The following ATF3 variants were observed in gnomAD, a reference collection of about 807,000 sequenced individuals.
ATF3 encodes activating transcription factor 3.
A neutral mutation model predicts 18.4 loss-of-function variants in ATF3; 10 were observed. That is an observed-to-expected ratio of 0.54 (90% CI 0.34 to 0.92). ATF3 has a LOEUF of 0.92. ATF3 is among the 40% of genes least tolerant of loss of function. The pLI is 0.02. For missense variants in ATF3, 183 were observed against 222.3 expected (o/e 0.82, Z 1.12); for synonymous variants, 78 against 87.9 (o/e 0.89, Z 0.63).
At chr1:212,593,743 TAAAAA>T (rs58956572) in intron 1 of ATF3, among the ~76,000 whole-genome samples, 34,057 of 115,354 alleles carry the variant, frequency 0.3, 4,839 homozygotes, top group South Asian at 0.4. Flanking sequence ...CCTGTCTCTT[TAAAAA>T]AAAAAAAAAA....
At chr1:212,584,796 C>A (rs913620927) in intron 1 of ATF3, among the ~76,000 whole-genome samples, 1 of 152,216 alleles carries the variant, frequency 6.6e-6, no homozygotes, top group Non-Finnish European at 1.5e-5. Context: ...CCCCTTCCTG[C>A]CTAACATGGC....
chr1:212,594,880 T>C (rs901601516), intron 1 of ATF3, among the ~76,000 whole-genome samples: 1 of 152,150 alleles, frequency 6.6e-6, no homozygotes, highest in Non-Finnish European at 1.5e-5. Context: ...AATTAACCCA[T>C]TGGCTGATTG....
chr1:212,614,897 A>G, intron 1 of ATF3, 121 bp from the exon 2 acceptor site: 2 of 1,568,708 alleles, frequency 1.3e-6, no homozygotes, highest in Non-Finnish European at 1.7e-6. Context: ...CAGAAACCCA[A>G]GGGCTTATGG....
intron 1 of ATF3, among the ~76,000 whole-genome samples, chr1:212,586,819 TG>T (rs1664787487): frequency 6.6e-6 from 1 of 152,234 alleles, no homozygotes; most frequent in Non-Finnish European, 1.5e-5. Context: ...AGTGACTTTT[TG>T]ATCAGGTCAG....
At chr1:212,611,083 C>A (rs1292845449) in intron 1 of ATF3, among the ~76,000 whole-genome samples, 2 of 152,184 alleles carry the variant, frequency 1.3e-5, no homozygotes, top group Non-Finnish European at 2.9e-5. Flanking sequence ...GTTTACCCAG[C>A]CAGGGGAGGA....
At chr1:212,614,014 T>G (rs1451184484) in intron 1 of ATF3, 1 of 152,170 alleles carries the variant, frequency 6.6e-6, no homozygotes, top group Non-Finnish European at 1.5e-5. Flanking sequence ...GGCCATTTGA[T>G]TTGATGACCC....
chr1:212,591,728 C>G (rs1235011459), intron 1 of ATF3, among the ~76,000 whole-genome samples: 1 of 152,164 alleles, frequency 6.6e-6, no homozygotes, highest in Admixed American at 6.5e-5. Context: ...CCAGCTTTAA[C>G]GATTATCAAT....
chr1:212,570,029 C>G (rs1283581475), intron 1 of ATF3, among the ~76,000 whole-genome samples: 2 of 152,068 alleles, frequency 1.3e-5, no homozygotes, highest in Non-Finnish European at 2.9e-5. Flanking sequence ...GTTTATGAAT[C>G]TTCTGTTCAG....
chr1:212,617,965 GTA>G (rs375545122), intron 2 of ATF3, among the ~76,000 whole-genome samples, 160 bp from the exon 3 acceptor site: 11 of 143,292 alleles, frequency 7.7e-5, no homozygotes, highest in African/African-American at 2.6e-4. Context: ...GTGTGTGTGT[GTA>G]GGGGTTTTCA....
chr1:212,569,804 A>G (rs371017670), intron 1 of ATF3, among the ~76,000 whole-genome samples: 17 of 152,318 alleles, frequency 1.1e-4, no homozygotes, highest in African/African-American at 3.4e-4. Flanking sequence ...TGTAAATAGT[A>G]CTGTAATAAA....
chr1:212,569,108 C>G (rs1006024662), intron 1 of ATF3, among the ~76,000 whole-genome samples: 2 of 152,190 alleles, frequency 1.3e-5, no homozygotes, highest in African/African-American at 4.8e-5. Context: ...AATTTTTCCC[C>G]TGGCACCCTT....
rs373831511 is a variant in ATF3, at chr1:212,619,465, G to A, written c.456G>A (p.Thr152=). The change falls in exon 4 of 4, where the codon ACG becomes ACA. Residue 152 remains threonine (T), a synonymous_variant. Transcript: ENST00000341491. The surrounding 1 kb of genome is among the most constrained non-coding windows in gnomAD (Gnocchi z 4.4). ...LIYMLNLHRP[T]CIVRAQNGRT... ...ACATGCTCAACCTTCATCGGCCCACGTGTATTGTCCGGGCTCAGAATGGGA... is the reference window on the plus strand; with the variant it reads ...ACATGCTCAACCTTCATCGGCCCACATGTATTGTCCGGGCTCAGAATGGGA... 10 of 1,614,204 alleles carry A rather than the reference G, an allele frequency of 6.2e-6. No individual in the cohort carries two copies. The highest frequency in any genetic ancestry group is 2.2e-5 in the East Asian group (1 of 44,892).
intron 1 of ATF3, among the ~76,000 whole-genome samples, chr1:212,581,029 A>C (rs1484590993): frequency 1.3e-5 from 2 of 151,774 alleles, no homozygotes; most frequent in Non-Finnish European, 2.9e-5. Flanking sequence ...TTGGCCTCCC[A>C]AAGTGATGGG....
intron 1 of ATF3, among the ~76,000 whole-genome samples, chr1:212,595,801 T>C (rs1164048291): frequency 6.6e-6 from 1 of 152,222 alleles, no homozygotes; most frequent in Non-Finnish European, 1.5e-5. Context: ...GGGCTCCACA[T>C]TTGCGTTTGG....
Position 212,618,995 on chromosome 1 carries a change from A to G in ATF3, c.349-363A>G. On this transcript the variant is annotated intron_variant, in intron 3 of 3. Transcript: ENST00000341491. This position sits in a 1 kb window ranked among gnomAD's most constrained non-coding sequence, Gnocchi z 4.4. The stretch of plus-strand genomic sequence containing the variant: ...CTGGGGAGATGAGCTTCTCATTGAG[A>G]TCTGTGACTCAGAATCGACTAAGCC... The G allele has an allele frequency of 1.9e-6, 3 of 1,610,920 alleles. No individual in the cohort carries two copies. Among genetic ancestry groups the G allele is most frequent in the Non-Finnish European group, 1.7e-6 (2 of 1,177,246 alleles).
rs1558237002 is a variant in ATF3 at position 212,608,826 on chromosome 1, T to G, written c.-109T>G. The stretch of plus-strand genomic sequence containing the variant: ...CTCTCGCCGCCGCCCGAGCGCACCC[T>G]TCAGCCCGCGCGCCGGCCGTGAGTC... On this transcript the variant is annotated 5_prime_UTR_variant, in exon 1 of 4. Transcript: ENST00000341491. 1 of 152,482 alleles carries G rather than the reference T, an allele frequency of 6.6e-6. No individual in the cohort carries two copies. The highest frequency in any genetic ancestry group is 2.4e-5 in the African/African-American group (1 of 41,394). 9.4% of individuals were successfully genotyped at this position (152,482 alleles called of 1,614,324 possible).
chr1:212,578,184 C>T (rs998269398), intron 1 of ATF3, among the ~76,000 whole-genome samples: 2 of 152,200 alleles, frequency 1.3e-5, no homozygotes, highest in African/African-American at 4.8e-5. Context: ...AATTCAGCTG[C>T]AATTTATCTT....
intron 1 of ATF3, among the ~76,000 whole-genome samples, chr1:212,598,178 C>T (rs535849295): frequency 1.9e-4 from 29 of 152,170 alleles, no homozygotes; most frequent in African/African-American, 7.0e-4. Context: ...AGTTACCCAC[C>T]CATACTTCCA....
chr1:212,612,118 G>C (rs10735510), intron 1 of ATF3, among the ~76,000 whole-genome samples: 62,321 of 151,982 alleles, frequency 0.41, 14,151 homozygotes, highest in Non-Finnish European at 0.5. Context: ...GCCTAGTGCC[G>C]AGAAAACCCA....
Sources: gnomAD v4.1 joint callset for allele counts (sites outside exome capture counted in the v4.1 genomes callset) on GRCh38, gnomAD v4.1.1 for gene constraint, Gnocchi (gnomAD v3.1) non-coding constraint, MANE v1.5 for transcripts, NCBI Gene and HGNC (gene_info 2026-07-23, HGNC 2026-07-21) for gene names.